Variants in MAP7 observed in about 807,000 individuals in gnomAD.
MAP7 encodes the protein microtubule associated protein 7, also known as ensconsin.
In MAP7, 52 loss-of-function variants were observed where a neutral mutation model predicts 94.8. The observed-to-expected ratio is 0.55, with a 90% CI of 0.44 to 0.69. The LOEUF is 0.69. Ranked by LOEUF, MAP7 falls within the 30% of genes least tolerant of loss-of-function variation. The pLI, the probability that MAP7 is intolerant of heterozygous loss-of-function variation, is 0.00. For synonymous variants in MAP7, 350 were observed against 357.0 expected (o/e 0.98, Z 0.22); for missense variants, 940 against 964.6 (o/e 0.97, Z 0.34).
chr6:136,550,190 G>C lies in MAP7; in HGVS notation c.67+152C>G, dbSNP rs1029609027. ...GGCGGGGGAAGGCGCTCTCGGAGCAGGGTGCGCGGCGCGCAGGGCCGGTTG... is the reference window on the plus strand; with the variant it reads ...GGCGGGGGAAGGCGCTCTCGGAGCACGGTGCGCGGCGCGCAGGGCCGGTTG... On this transcript the variant is annotated intron_variant, in intron 1 of 17. Coordinates refer to ENST00000354570, the MANE Select transcript of MAP7 (RefSeq NM_003980.6). This position sits in a 1 kb window ranked among gnomAD's most constrained non-coding sequence, Gnocchi z 5.1. 1.1e-5 allele frequency: 5 copies of C among 465,422 alleles called. No individual in the cohort carries two copies. Among genetic ancestry groups the C allele is most frequent in the African/African-American group, 4.2e-5 (2 of 47,744 alleles). 28.8% of individuals were successfully genotyped at this position (465,422 alleles called of 1,614,324 possible). A position where few individuals can be genotyped will look rare whatever the true frequency, so the allele number is the denominator to read the frequency against.
chr6:136,532,657 G>A (rs1244173609), intron 1 of MAP7, among the ~76,000 whole-genome samples: 1 of 150,182 alleles, frequency 6.7e-6, no homozygotes, highest in Non-Finnish European at 1.5e-5. Context: ...AGCTTCTTCT[G>A]ATCCTGAGAT....
intron 7 of MAP7, 77 bp downstream of exon 7, chr6:136,377,678 G>T: frequency 9.0e-7 from 1 of 1,105,870 alleles, no homozygotes. Context: ...TTAGGAAAAA[G>T]TGAGATGTGA....
At chr6:136,409,481 T>A (rs1786685169) in intron 3 of MAP7, among the ~76,000 whole-genome samples, 1 of 152,246 alleles carries the variant, frequency 6.6e-6, no homozygotes, top group South Asian at 2.1e-4. Flanking sequence ...AATACAATCA[T>A]CTAGATATAA....
chr6:136,542,600 G>C (rs1829414618), intron 1 of MAP7, among the ~76,000 whole-genome samples: 1 of 152,104 alleles, frequency 6.6e-6, no homozygotes, highest in Non-Finnish European at 1.5e-5. Context: ...GAGAGAACTT[G>C]AATTGGCAGG....
intron 1 of MAP7, among the ~76,000 whole-genome samples, chr6:136,437,996 G>A (rs953623879): frequency 1.3e-5 from 2 of 152,128 alleles, no homozygotes; most frequent in Admixed American, 6.5e-5. Flanking sequence ...TGCCTAGGAA[G>A]GTCTACAGAG....
intron 3 of MAP7, among the ~76,000 whole-genome samples, chr6:136,393,125 G>C (rs1781250531): frequency 6.6e-6 from 1 of 151,964 alleles, no homozygotes; most frequent in African/African-American, 2.4e-5. Context: ...CCTCTGATTT[G>C]TACAGTCCTA....
At chr6:136,359,262 C>T (rs543774785) in intron 15 of MAP7, among the ~76,000 whole-genome samples, 8 of 151,998 alleles carry the variant, frequency 5.3e-5, no homozygotes, top group Admixed American at 2.0e-4. Context: ...TCACTCTGGA[C>T]CCCAAGAATA....
At chr6:136,529,940 TA>T (rs778551832) in intron 1 of MAP7, among the ~76,000 whole-genome samples, 1 of 152,202 alleles carries the variant, frequency 6.6e-6, no homozygotes, top group Non-Finnish European at 1.5e-5. Flanking sequence ...TTTGGGGAAG[TA>T]AGCTCATGAC....
At chr6:136,409,397 AAGAG>A (rs959250624) in intron 3 of MAP7, among the ~76,000 whole-genome samples, 5 of 151,754 alleles carry the variant, frequency 3.3e-5, no homozygotes. Flanking sequence ...ATTTCAGAGA[AAGAG>A]AGAGAGAAGA....
Position 136,421,785 on chromosome 6 carries a change from T to C in MAP7, c.82A>G (p.Lys28Glu), listed in dbSNP as rs759040842. The C allele has an allele frequency of 1.6e-5, 25 of 1,611,868 alleles. No individual in the cohort carries two copies. The African/African-American group carries it at 2.7e-4, about 17-fold the overall frequency. The change falls in exon 2 of 18, where the codon AAA becomes GAA. Residue 28 changes from lysine to glutamate, a missense_variant. Physicochemically the swap from Lys to Glu is moderately conservative, Grantham distance 56. Coordinates refer to ENST00000354570, the MANE Select transcript of MAP7 (RefSeq NM_003980.6). The stretch of plus-strand genomic sequence containing the variant: ...GAGGCATTTTTCTTATCTTGCACTT[T>C]GTAGCTGTCGGGTGCTACAGAAATG... ...VRSETAPDSYKVQDKKNASSR... is the reference protein window; with the variant it reads ...VRSETAPDSYEVQDKKNASSR...
At chr6:136,491,349 A>G (rs765533612) in intron 1 of MAP7, among the ~76,000 whole-genome samples, 6 of 152,208 alleles carry the variant, frequency 3.9e-5, no homozygotes, top group Non-Finnish European at 8.8e-5. Context: ...TTTAAGTGCC[A>G]GGATGAGCTG....
chr6:136,525,864 T>G (rs1200978993), intron 1 of MAP7: 3 of 1,535,672 alleles, frequency 2.0e-6, no homozygotes, highest in Non-Finnish European at 2.6e-6. Context: ...ATTCTTTTGC[T>G]GTTCGTCTTC....
intron 15 of MAP7, among the ~76,000 whole-genome samples, chr6:136,358,136 T>C (rs1192045265): frequency 6.6e-6 from 1 of 152,216 alleles, no homozygotes; most frequent in East Asian, 1.9e-4. Flanking sequence ...TGAGTGTTGA[T>C]AAACACAGCT....
Position 136,372,744 on chromosome 6 carries a change from T to C in MAP7, c.752-119A>G, listed in dbSNP as rs545472061. The C allele has an allele frequency of 3.9e-6, 5 of 1,285,772 alleles. No homozygotes were observed. The East Asian group carries it at 1.2e-4, about 30-fold the overall frequency. 79.6% of individuals were successfully genotyped at this position (1,285,772 alleles called of 1,614,324 possible). A position where few individuals can be genotyped will look rare whatever the true frequency, so the allele number is the denominator to read the frequency against. On this transcript the variant is annotated intron_variant, in intron 7 of 17. Transcript: ENST00000354570. ...TTCAGGAAAAGGAGCAAAGCAGAGA[T>C]AGAGAGAAAAGTAGGAAGAAGATGT...
intron 1 of MAP7, among the ~76,000 whole-genome samples, chr6:136,507,920 C>T (rs1404402151): frequency 6.6e-6 from 1 of 152,216 alleles, no homozygotes; most frequent in Non-Finnish European, 1.5e-5. Flanking sequence ...GACACCACAA[C>T]ACACTGCAAG....
chr6:136,498,772 T>G (rs1176456854), intron 1 of MAP7, among the ~76,000 whole-genome samples: 1 of 151,198 alleles, frequency 6.6e-6, no homozygotes, highest in Non-Finnish European at 1.5e-5. Flanking sequence ...TGTGTGTGTG[T>G]GGAAAACCCA....
At chr6:136,500,975 A>T (rs1562466528) in intron 1 of MAP7, among the ~76,000 whole-genome samples, 1 of 152,194 alleles carries the variant, frequency 6.6e-6, no homozygotes, top group Non-Finnish European at 1.5e-5. Flanking sequence ...ATACATCCAC[A>T]TGTCAACAGG....
intron 1 of MAP7, chr6:136,526,663 G>A (rs1018770994): frequency 3.0e-6 from 3 of 985,428 alleles, no homozygotes; most frequent in Non-Finnish European, 3.6e-6. Context: ...AGCAGGATGG[G>A]AGGAGAAAGA....
Position 136,350,202 on chromosome 6 carries a change from GACCCCGA to G in MAP7, c.2016-4130_2016-4124del, listed in dbSNP as rs1788775021. On this transcript the variant is annotated intron_variant, in intron 16 of 17. Coordinates refer to ENST00000354570, the MANE Select transcript of MAP7 (RefSeq NM_003980.6). ...CAGGCACACCATGTTCTTTGGCAGG[GACCCCGA>G]GCATTTCCATTAATCAGTGATTTAA... is the stretch of plus-strand genomic sequence containing the variant. 9.2e-5 allele frequency among the ~76,000 whole-genome samples: 14 copies of G among 152,222 alleles called. No individual in the cohort carries two copies. In the South Asian group the frequency reaches 2.9e-3, roughly 32 times the overall value.
Sources: allele counts gnomAD v4.1 joint callset (sites outside exome capture counted in the v4.1 genomes callset), GRCh38; gene constraint gnomAD v4.1.1; non-coding constraint Gnocchi (gnomAD v3.1); transcripts MANE v1.5; gene names NCBI Gene and HGNC (gene_info 2026-07-23, HGNC 2026-07-21).